Variants in PCGF5 observed in about 807,000 individuals in gnomAD.
PCGF5 encodes the protein polycomb group ring finger 5, also known as polycomb group RING finger protein 5.
Under a neutral mutation model 44.3 loss-of-function variants are expected in PCGF5, and 9 were observed. That is an observed-to-expected ratio of 0.20 (90% CI 0.12 to 0.35). The LOEUF (loss-of-function observed/expected upper bound fraction) is 0.35, where lower values mean the gene tolerates loss of function less well. PCGF5 is among the 10% of genes least tolerant of loss of function. PCGF5 has a pLI of 1.00. For synonymous variants in PCGF5, 95 were observed against 102.5 expected (o/e 0.93, Z 0.44); for missense variants, 146 against 305.3 (o/e 0.48, Z 3.89).
intron 9 of PCGF5, among the ~76,000 whole-genome samples, chr10:91,273,884 A>G (rs1846243893): frequency 6.6e-6 from 1 of 150,716 alleles, no homozygotes; most frequent in Non-Finnish European, 1.5e-5. Context: ...ATACATATAT[A>G]CTCTAGGTTA....
chr10:91,238,952 T>C (rs946765836), intron 2 of PCGF5, among the ~76,000 whole-genome samples: 1 of 152,090 alleles, frequency 6.6e-6, no homozygotes, highest in African/African-American at 2.4e-5. Context: ...GAAGGCAGTG[T>C]TATCCTAATA....
At chr10:91,194,208 G>A (rs894791989) in intron 1 of PCGF5, among the ~76,000 whole-genome samples, 2 of 152,188 alleles carry the variant, frequency 1.3e-5, no homozygotes, top group Admixed American at 6.5e-5. Flanking sequence ...TCACTTTAGG[G>A]AGCCAGAGGG....
chr10:91,233,173 G>A (rs1204302316), intron 2 of PCGF5, among the ~76,000 whole-genome samples: 2 of 152,084 alleles, frequency 1.3e-5, no homozygotes, highest in Non-Finnish European at 2.9e-5. Flanking sequence ...TTGGTAAGAC[G>A]GGGAATGGGG....
upstream of PCGF5, among the ~76,000 whole-genome samples, chr10:91,215,942 C>T (rs552804094): frequency 5.0e-4 from 76 of 152,190 alleles, no homozygotes; most frequent in Non-Finnish European, 9.4e-4. Context: ...CTTAACACAT[C>T]CTTTGTAAGG....
chr10:91,258,212 C>T (rs1021605832), intron 6 of PCGF5, among the ~76,000 whole-genome samples: 1 of 152,022 alleles, frequency 6.6e-6, no homozygotes, highest in African/African-American at 2.4e-5. Context: ...GGAATTAGAT[C>T]ATAGTAATGG....
At chr10:91,253,595 A>G (rs550150026) in intron 6 of PCGF5, among the ~76,000 whole-genome samples, 1 of 152,172 alleles carries the variant, frequency 6.6e-6, no homozygotes, top group African/African-American at 2.4e-5. Flanking sequence ...AATAAGTTCA[A>G]AAGCTTCGCG....
At chr10:91,209,885 G>C (rs1278219896) in intron 1 of PCGF5, among the ~76,000 whole-genome samples, 9 of 152,286 alleles carry the variant, frequency 5.9e-5, no homozygotes, top group African/African-American at 2.2e-4. Context: ...GGGAATGAAT[G>C]AATGAATGTG....
At chr10:91,236,981 A>G (rs1050596584) in intron 2 of PCGF5, among the ~76,000 whole-genome samples, 7 of 152,204 alleles carry the variant, frequency 4.6e-5, no homozygotes, top group Admixed American at 1.3e-4. Flanking sequence ...CTTTTTCTAT[A>G]TATCGTAGAT....
At chr10:91,188,169 T>G (rs539387658) in intron 1 of PCGF5, among the ~76,000 whole-genome samples, 1 of 152,324 alleles carries the variant, frequency 6.6e-6, no homozygotes, top group East Asian at 1.9e-4. Context: ...TCTGAGGTAC[T>G]GGGTTCATCT....
chr10:91,222,589 T>G (rs1025807801), intron 1 of PCGF5, 100 bp from the exon 2 acceptor site: 1 of 469,718 alleles, frequency 2.1e-6, no homozygotes, highest in African/African-American at 2.0e-5. Flanking sequence ...TTCACCCAAT[T>G]GGGAACATGT....
chr10:91,165,623 A>G (rs1843486210), intron 1 of PCGF5, among the ~76,000 whole-genome samples: 1 of 152,232 alleles, frequency 6.6e-6, no homozygotes, highest in African/African-American at 2.4e-5. Context: ...TAATCAAATG[A>G]AAACAGGATT....
At chr10:91,220,861 C>G (rs543620931) in intron 1 of PCGF5, 25 bp downstream of exon 1, 1 of 153,264 alleles carries the variant, frequency 6.5e-6, no homozygotes, top group Non-Finnish European at 1.4e-5. Flanking sequence ...GGCTGGGGAG[C>G]TGCAGGGACG....
chr10:91,176,700 G>C (rs185101503), intron 1 of PCGF5, among the ~76,000 whole-genome samples: 1 of 152,240 alleles, frequency 6.6e-6, no homozygotes, highest in East Asian at 1.9e-4. Context: ...GATCGAATCA[G>C]CTACTGAAGC....
chr10:91,197,392 G>C (rs1343861118), intron 1 of PCGF5, among the ~76,000 whole-genome samples: 2 of 152,174 alleles, frequency 1.3e-5, no homozygotes, highest in Non-Finnish European at 2.9e-5. Flanking sequence ...TATATCTTTG[G>C]AAAATAAAAT....
At chr10:91,217,807 A>G (rs901772259), upstream of PCGF5, among the ~76,000 whole-genome samples, 2 of 152,246 alleles carry the variant, frequency 1.3e-5, no homozygotes, top group African/African-American at 4.8e-5. Context: ...TTTTCTTTAG[A>G]CATAGTCTCG....
intron 8 of PCGF5, among the ~76,000 whole-genome samples, chr10:91,271,125 T>C (rs1316831518): frequency 6.6e-6 from 1 of 150,930 alleles, no homozygotes; most frequent in Non-Finnish European, 1.5e-5. Flanking sequence ...TAATCTAATA[T>C]ATATATAATC....
chr10:91,250,399 G>A (rs1000042029), intron 5 of PCGF5, among the ~76,000 whole-genome samples: 5 of 151,552 alleles, frequency 3.3e-5, no homozygotes, highest in African/African-American at 4.8e-5. Flanking sequence ...TCTGGAAATC[G>A]TCCCTGCTTC....
At chr10:91,239,992 C>A (rs1845279652) in intron 2 of PCGF5, among the ~76,000 whole-genome samples, 1 of 152,170 alleles carries the variant, frequency 6.6e-6, no homozygotes, top group Non-Finnish European at 1.5e-5. Flanking sequence ...CCAAGGCCAG[C>A]AAAGTCCATT....
At chr10:91,170,406 A>T (rs1294951866) in intron 1 of PCGF5, among the ~76,000 whole-genome samples, 1 of 152,206 alleles carries the variant, frequency 6.6e-6, no homozygotes, top group East Asian at 1.9e-4. Flanking sequence ...TATACAAGGA[A>T]CTCTTAAAAC....
Sources: gnomAD v4.1 joint callset for allele counts (sites outside exome capture counted in the v4.1 genomes callset) on GRCh38, gnomAD v4.1.1 for gene constraint, MANE v1.5 for transcripts, NCBI Gene and HGNC (gene_info 2026-07-23, HGNC 2026-07-21) for gene names.